The following HNRNPA2B1 variants were observed in gnomAD, a reference collection of about 807,000 sequenced individuals.
HNRNPA2B1 encodes the protein heterogeneous nuclear ribonucleoproteins A2/B1.
HNRNPA2B1 carries 3 observed loss-of-function variants against 46.3 expected under a neutral mutation model. The ratio of observed to expected loss-of-function variants is 0.06; its 90% CI spans 0.03 to 0.17. The LOEUF is 0.17. HNRNPA2B1 is among the 10% of genes least tolerant of loss of function. HNRNPA2B1 has a pLI of 1.00. For synonymous variants in HNRNPA2B1, 225 were observed against 133.8 expected (o/e 1.68, Z -4.70); for missense variants, 221 against 418.9 (o/e 0.53, Z 4.12).
At chr7:26,197,801 T>G (rs775351919) in intron 1 of HNRNPA2B1, 69 bp from the exon 2 acceptor site, 2 of 1,604,200 alleles carry the variant, frequency 1.2e-6, no homozygotes, top group Admixed American at 3.4e-5. Context: ...ATTAAATTCT[T>G]AAATATGAGG....
chr7:26,196,506 G>C (rs10270132), intron 5 of HNRNPA2B1, 25 bp from the exon 6 acceptor site: 2 of 1,613,408 alleles, frequency 1.2e-6, no homozygotes, highest in African/African-American at 1.3e-5. Context: ...CCAGTTAGAA[G>C]CAAGCCCTTA....
chr7:26,196,770 C>T (rs1257845970), intron 4 of HNRNPA2B1, 37 bp downstream of exon 4: 2 of 1,590,700 alleles, frequency 1.3e-6, no homozygotes, highest in South Asian at 1.1e-5. Flanking sequence ...ATTGAATACA[C>T]TGGAAAAAAA....
In HNRNPA2B1 at chr7:26,191,387, G is replaced by A. The variant is rs917934030; in HGVS notation, c.*973C>T. ...GAGTATTAGTTTATCTTTTAGGGAG[G>A]AAAATTAAGAAAGGAAAAGTAAATA... On this transcript the variant is annotated 3_prime_UTR_variant, in exon 11 of 11. Coordinates refer to ENST00000618183, the MANE Select transcript of HNRNPA2B1 (RefSeq NM_002137.4). 2 of 152,098 alleles carry A rather than the reference G, an allele frequency of 1.3e-5. No homozygotes were observed. Among genetic ancestry groups the A allele is most frequent in the African/African-American group, 2.4e-5 (1 of 41,418 alleles). The allele number at this position is 152,098 out of a possible 1,614,324, so 9.4% of individuals were successfully genotyped here.
rs1583995662 is a variant in HNRNPA2B1 at position 26,197,376 on chromosome 7, G to C, written c.203C>G (p.Ala68Gly). Residue 68 changes from alanine (A) to glycine (G), a missense_variant, in exon 3 of 11, where the codon GCT becomes GGT. Physicochemically the swap from Ala to Gly is moderately conservative, Grantham distance 60. Coordinates refer to ENST00000618183, the MANE Select transcript of HNRNPA2B1 (RefSeq NM_002137.4). Reference sequence around the variant, plus strand: ...CCCATCAATTGAATGAGGTCTTGCAGCCATGGCAGCATCAACCTCAGCCAT... The same window carrying C: ...CCCATCAATTGAATGAGGTCTTGCACCCATGGCAGCATCAACCTCAGCCAT... ...SSMAEVDAAM[A>G]ARPHSIDGRV... 6.2e-7 allele frequency: 1 copy of C among 1,613,998 alleles called. No individual in the cohort carries two copies. The highest frequency in any genetic ancestry group is 8.5e-7 in the Non-Finnish European group (1 of 1,179,914).
intron 6 of HNRNPA2B1, 133 bp downstream of exon 6, chr7:26,196,268 G>A (rs781672629): frequency 1.4e-6 from 1 of 716,420 alleles, no homozygotes; most frequent in Non-Finnish European, 2.3e-6. Context: ...ACAAGAGCTT[G>A]CCAGGATACA....
intron 6 of HNRNPA2B1, 74 bp downstream of exon 6, chr7:26,196,327 C>A (rs907164038): frequency 2.5e-6 from 3 of 1,215,394 alleles, no homozygotes; most frequent in South Asian, 2.7e-5. Context: ...TTTCTTGATT[C>A]TACTAATGAA....
intron 7 of HNRNPA2B1, among the ~76,000 whole-genome samples, chr7:26,194,463 T>G (rs554462644): frequency 2.6e-5 from 4 of 152,012 alleles, no homozygotes; most frequent in African/African-American, 9.6e-5. Context: ...GTACGGGAAG[T>G]TGAGGCGGGT....
rs1407762037 is a variant in HNRNPA2B1, at chr7:26,191,345, A to G, written c.*1015T>C. 2 of 152,224 alleles carry G rather than the reference A, an allele frequency of 1.3e-5. No homozygotes were observed. The highest frequency in any genetic ancestry group is 2.9e-5 in the Non-Finnish European group (2 of 68,010). 9.4% of individuals were successfully genotyped at this position (152,224 alleles called of 1,614,324 possible). On this transcript the variant is annotated 3_prime_UTR_variant, in exon 11 of 11. Coordinates refer to ENST00000618183, the MANE Select transcript of HNRNPA2B1 (RefSeq NM_002137.4). ...TGTTAAACTACGTAAGAACCACTAT[A>G]CTGAAAGACCATTTAAGAGTATTAG...
rs540482661 is a variant in HNRNPA2B1, at chr7:26,200,624, G to C, written c.-47C>G. 6.2e-7 allele frequency: 1 copy of C among 1,612,898 alleles called. No homozygotes were observed. Among genetic ancestry groups the C allele is most frequent in the Non-Finnish European group, 8.5e-7 (1 of 1,179,734 alleles). On this transcript the variant is annotated 5_prime_UTR_variant, in exon 1 of 11. Transcript: ENST00000618183. ...CCGATTTCCCGCAGCCGAGCGAGAT[G>C]AGAGAGATCTCCGCGGACGAACACG...
chr7:26,198,680 G>A (rs905598339), intron 1 of HNRNPA2B1: 5 of 152,212 alleles, frequency 3.3e-5, no homozygotes, highest in Non-Finnish European at 5.9e-5. Context: ...TGTATTCTGG[G>A]CACTTATGAA....
At chr7:26,195,805 T>A (rs1369873424) in intron 7 of HNRNPA2B1, 42 bp downstream of exon 7, 11 of 1,598,918 alleles carry the variant, frequency 6.9e-6, no homozygotes, top group Non-Finnish European at 9.4e-6. Flanking sequence ...TATAGTTAAG[T>A]ATTAGTCACA....
In HNRNPA2B1 at chr7:26,197,374, C is replaced by T; in HGVS notation, c.205G>A (p.Ala69Thr). The change falls in exon 3 of 11, where the codon GCA becomes ACA. Residue 69 changes from alanine to threonine, a missense_variant. Physicochemically the swap from Ala to Thr is moderately conservative, Grantham distance 58 (BLOSUM62 0). Around this residue, in one of 2 missense-constraint regions of HNRNPA2B1, gnomAD observed 78 missense variants for 218.5 expected, o/e 0.36. Coordinates refer to ENST00000618183, the MANE Select transcript of HNRNPA2B1 (RefSeq NM_002137.4). ...SMAEVDAAMA[A>T]RPHSIDGRVV... ...CTCCCATCAATTGAATGAGGTCTTGCAGCCATGGCAGCATCAACCTCAGCC... is the reference window on the plus strand; with the variant it reads ...CTCCCATCAATTGAATGAGGTCTTGTAGCCATGGCAGCATCAACCTCAGCC... The T allele has an allele frequency of 6.2e-7, 1 of 1,614,032 alleles. No individual in the cohort carries two copies. Among genetic ancestry groups the T allele is most frequent in the Non-Finnish European group, 8.5e-7 (1 of 1,179,936 alleles).
rs138832599 is a variant in HNRNPA2B1, at chr7:26,200,588, G to A, written c.-11C>T. 2 of 1,613,570 alleles carry A rather than the reference G, an allele frequency of 1.2e-6. No individual in the cohort carries two copies. The highest frequency in any genetic ancestry group is 2.7e-5 in the African/African-American group (2 of 75,060). Reference sequence around the variant, plus strand: ...ACCCGTTACCTCCATCGCGGACTCAGTCGCTTCAGCCCGATTTCCCGCAGC... The same window carrying A: ...ACCCGTTACCTCCATCGCGGACTCAATCGCTTCAGCCCGATTTCCCGCAGC... On this transcript the variant is annotated 5_prime_UTR_variant, in exon 1 of 11. Transcript: ENST00000618183.
intron 7 of HNRNPA2B1, among the ~76,000 whole-genome samples, chr7:26,195,235 G>T: frequency 6.6e-6 from 1 of 150,742 alleles, no homozygotes; most frequent in Non-Finnish European, 1.5e-5. Flanking sequence ...ACACTATTTA[G>T]TCATGCCTAT....
At chr7:26,194,429 C>G (rs1219020954) in intron 7 of HNRNPA2B1, among the ~76,000 whole-genome samples, 3 of 151,778 alleles carry the variant, frequency 2.0e-5, no homozygotes, top group Non-Finnish European at 4.4e-5. Flanking sequence ...CTGGGCGCAG[C>G]AGCTCACACC....
rs1205032104 is a variant in HNRNPA2B1 at position 26,191,021 on chromosome 7, C to A, written c.*1339G>T. On this transcript the variant is annotated 3_prime_UTR_variant, in exon 11 of 11. Transcript: ENST00000618183. ...TTTACTACCAACACCACTGAAGGAACCAAGAAAAGCTTTATTAATGATCAC... is the reference window on the plus strand; with the variant it reads ...TTTACTACCAACACCACTGAAGGAAACAAGAAAAGCTTTATTAATGATCAC... The A allele has an allele frequency of 6.6e-6, 1 of 152,532 alleles. No homozygotes were observed. Among genetic ancestry groups the A allele is most frequent in the Admixed American group, 6.6e-5 (1 of 15,266 alleles). The allele number at this position is 152,532 out of a possible 1,614,324, so 9.4% of individuals were successfully genotyped here.
At chr7:26,194,963 G>A (rs1262930658) in intron 7 of HNRNPA2B1, among the ~76,000 whole-genome samples, 1 of 151,030 alleles carries the variant, frequency 6.6e-6, no homozygotes, top group Non-Finnish European at 1.5e-5. Context: ...GCGTGGTGGT[G>A]CACGCCGGTA....
chr7:26,193,246 A>C lies in HNRNPA2B1; in HGVS notation c.964+5T>G, dbSNP rs878989290. 4 of 1,606,092 alleles carry C rather than the reference A, an allele frequency of 2.5e-6. No individual in the cohort carries two copies. The highest frequency in any genetic ancestry group is 3.4e-6 in the Non-Finnish European group (4 of 1,177,756). On this transcript the variant is annotated splice_donor_5th_base_variant and intron_variant, in intron 9 of 10. Coordinates refer to ENST00000618183, the MANE Select transcript of HNRNPA2B1 (RefSeq NM_002137.4). ...ATCTGAATAACCTCAATTTTTATAA[A>C]TTACCTCCACCATATGGTCCCCCCA...
At chr7:26,197,904 A>G (rs749943805) in intron 1 of HNRNPA2B1, 172 bp from the exon 2 acceptor site, 24 of 1,528,350 alleles carry the variant, frequency 1.6e-5, no homozygotes, top group East Asian at 2.3e-5. Context: ...AATTTAAACC[A>G]TATGTTAAAC....
Sources: gnomAD v4.1 joint callset for allele counts (sites outside exome capture counted in the v4.1 genomes callset) on GRCh38, gnomAD v4.1.1 for gene constraint, gnomAD v4.1.1 regional missense constraint, MANE v1.5 for transcripts, NCBI Gene and HGNC (gene_info 2026-07-23, HGNC 2026-07-21) for gene names.